NLGN1: variants seen among roughly 807,000 people sequenced by gnomAD.
NLGN1 encodes neuroligin 1.
NLGN1 carries 12 observed loss-of-function variants against 65.5 expected under a neutral mutation model. That is an observed-to-expected ratio of 0.18 (90% CI 0.12 to 0.30). The LOEUF (loss-of-function observed/expected upper bound fraction) is 0.30. Among genes scored for constraint, NLGN1 ranks in the 10% least tolerant of loss-of-function variants. NLGN1 has a pLI of 1.00. For synonymous variants in NLGN1, 350 were observed against 359.5 expected (o/e 0.97, Z 0.30); for missense variants, 750 against 1,007.1 (o/e 0.74, Z 3.46).
intron 3 of NLGN1, among the ~76,000 whole-genome samples, chr3:173,632,854 T>TTTTTTTTG (rs1755936464): frequency 2.0e-5 from 3 of 148,752 alleles, no homozygotes; most frequent in Admixed American, 6.7e-5. Flanking sequence ...TTTTTGTTTT[T>TTTTTTTTG]TTTTTTTTTT....
At chr3:174,256,682 A>T (rs183722831) in intron 4 of NLGN1, among the ~76,000 whole-genome samples, 1 of 152,234 alleles carries the variant, frequency 6.6e-6, no homozygotes, top group Admixed American at 6.5e-5. Flanking sequence ...CTATACTCCA[A>T]AACTTAGGAA....
At chr3:173,922,488 G>A (rs774551955) in intron 4 of NLGN1, among the ~76,000 whole-genome samples, 3 of 151,704 alleles carry the variant, frequency 2.0e-5, no homozygotes, top group Admixed American at 6.6e-5. Context: ...TTTTTCCTAG[G>A]AAATAAAAAC....
chr3:173,453,540 A>G (rs995795153), intron 2 of NLGN1, among the ~76,000 whole-genome samples: 2 of 152,162 alleles, frequency 1.3e-5, no homozygotes, highest in African/African-American at 4.8e-5. Flanking sequence ...AAACTATGCC[A>G]CTGCTTTTAT....
intron 4 of NLGN1, among the ~76,000 whole-genome samples, chr3:174,186,415 T>C (rs535389302): frequency 3.3e-5 from 5 of 152,142 alleles, no homozygotes; most frequent in Admixed American, 2.6e-4. Flanking sequence ...GTTAACAGTA[T>C]AGAAGTATGA....
chr3:173,863,134 T>C (rs1461623679), intron 4 of NLGN1, among the ~76,000 whole-genome samples: 1 of 142,608 alleles, frequency 7.0e-6, no homozygotes, highest in Non-Finnish European at 1.5e-5. Flanking sequence ...CGATGGCTGA[T>C]AAAAAAAAAA....
intron 4 of NLGN1, among the ~76,000 whole-genome samples, chr3:174,042,853 G>T (rs576607112): frequency 2.0e-5 from 3 of 152,092 alleles, no homozygotes; most frequent in African/African-American, 7.2e-5. Flanking sequence ...TCCAAAAATG[G>T]CTCTCCCAAC....
chr3:173,974,354 T>C (rs1487129394), intron 4 of NLGN1, among the ~76,000 whole-genome samples: 1 of 152,064 alleles, frequency 6.6e-6, no homozygotes, highest in Non-Finnish European at 1.5e-5. Flanking sequence ...TACATTGGTA[T>C]TTTTATAACA....
intron 3 of NLGN1, among the ~76,000 whole-genome samples, chr3:173,606,718 CTT>C (rs1250116574): frequency 6.6e-6 from 1 of 151,874 alleles, no homozygotes; most frequent in Non-Finnish European, 1.5e-5. Flanking sequence ...TTTGCTTTGT[CTT>C]TGCTGTTATT....
intron 4 of NLGN1, among the ~76,000 whole-genome samples, chr3:173,981,492 C>T (rs545164747): frequency 8.5e-5 from 13 of 152,204 alleles, no homozygotes; most frequent in African/African-American, 3.1e-4. Flanking sequence ...TGATGTAACA[C>T]GTAACTCCAA....
chr3:174,188,012 T>C (rs976814786), intron 4 of NLGN1, among the ~76,000 whole-genome samples: 1 of 152,016 alleles, frequency 6.6e-6, no homozygotes, highest in Non-Finnish European at 1.5e-5. Context: ...TATGTTCTAG[T>C]GCTTACCCAA....
intron 4 of NLGN1, among the ~76,000 whole-genome samples, chr3:174,227,789 A>G (rs999733908): frequency 7.2e-5 from 11 of 152,262 alleles, no homozygotes; most frequent in African/African-American, 2.6e-4. Flanking sequence ...AAGTAGATGT[A>G]TATTTCAAGT....
intron 4 of NLGN1, among the ~76,000 whole-genome samples, chr3:174,028,397 G>A (rs1253179547): frequency 6.6e-6 from 1 of 152,190 alleles, no homozygotes; most frequent in Non-Finnish European, 1.5e-5. Context: ...TGGACATGAG[G>A]AACTTGTTGA....
At chr3:173,396,902 T>G (rs902508924), upstream of NLGN1, among the ~76,000 whole-genome samples, 1 of 152,188 alleles carries the variant, frequency 6.6e-6, no homozygotes, top group Non-Finnish European at 1.5e-5. Flanking sequence ...TATTTGAGTT[T>G]AAATGCGTCT....
intron 4 of NLGN1, among the ~76,000 whole-genome samples, chr3:173,880,584 AT>A (rs1733034352): frequency 6.6e-6 from 1 of 151,022 alleles, no homozygotes; most frequent in African/African-American, 2.4e-5. Context: ...AAATATATAT[AT>A]ATTAATTTAA....
intron 4 of NLGN1, among the ~76,000 whole-genome samples, chr3:174,235,915 T>TC (rs150735218): frequency 0.11 from 16,903 of 152,082 alleles, 1,657 homozygotes; most frequent in African/African-American, 0.26. Flanking sequence ...TTATTATCTC[T>TC]ATAGCATAGT....
At chr3:174,253,963 G>A (rs961977859) in intron 4 of NLGN1, among the ~76,000 whole-genome samples, 9 of 152,136 alleles carry the variant, frequency 5.9e-5, no homozygotes, top group African/African-American at 1.2e-4. Context: ...AGAGGATTGC[G>A]GAAGCCAATA....
intron 2 of NLGN1, among the ~76,000 whole-genome samples, chr3:173,575,710 C>G (rs1458013256): frequency 1.3e-5 from 2 of 152,146 alleles, no homozygotes; most frequent in Non-Finnish European, 2.9e-5. Context: ...AAACGTCAGT[C>G]AACTCAGTAT....
intron 4 of NLGN1, among the ~76,000 whole-genome samples, chr3:174,053,095 A>G (rs1165140831): frequency 6.6e-6 from 1 of 152,004 alleles, no homozygotes; most frequent in Non-Finnish European, 1.5e-5. Context: ...GAGCAATATT[A>G]TCATTTTAGG....
At chr3:174,173,597 TTTG>T (rs1366859219) in intron 4 of NLGN1, among the ~76,000 whole-genome samples, 1 of 152,000 alleles carries the variant, frequency 6.6e-6, no homozygotes, top group Non-Finnish European at 1.5e-5. Context: ...TGTCCTTGAT[TTTG>T]TTGTTATGAT....
Sources: allele counts gnomAD v4.1 joint callset (sites outside exome capture counted in the v4.1 genomes callset), GRCh38; gene constraint gnomAD v4.1.1; transcripts MANE v1.5; gene names NCBI Gene and HGNC (gene_info 2026-07-23, HGNC 2026-07-21).